Variants in DENND5A observed in about 807,000 individuals in gnomAD.
DENND5A encodes DENN domain containing 5A.
A neutral mutation model predicts 140.3 loss-of-function variants in DENND5A; 64 were observed. The observed-to-expected ratio is 0.46, with a 90% CI of 0.37 to 0.56. The LOEUF (loss-of-function observed/expected upper bound fraction) is 0.56, where lower values mean the gene tolerates loss of function less well. Ranked by LOEUF, DENND5A falls within the 20% of genes least tolerant of loss-of-function variation. The probability of loss-of-function intolerance (pLI) is 0.00; values close to 1 mark genes in which losing one functional copy is unlikely to be tolerated. For missense variants in DENND5A, 1,292 were observed against 1,593.8 expected (o/e 0.81, Z 3.22); for synonymous variants, 605 against 607.7 (o/e 1.00, Z 0.07).
At chr11:9,198,945 T>C (rs1849428824) in intron 4 of DENND5A, among the ~76,000 whole-genome samples, 1 of 144,086 alleles carries the variant, frequency 6.9e-6, no homozygotes, top group African/African-American at 2.5e-5. Flanking sequence ...GTGTCCTAGC[T>C]ACTCGGGAGG....
intron 4 of DENND5A, 39 bp downstream of exon 4, chr11:9,203,621 C>T: frequency 6.4e-7 from 1 of 1,570,338 alleles, no homozygotes; most frequent in Non-Finnish European, 8.6e-7. Flanking sequence ...AGCAAAGAAG[C>T]CTGAGGCAGG....
intron 11 of DENND5A, among the ~76,000 whole-genome samples, chr11:9,162,790 C>T (rs1035662898): frequency 4.6e-5 from 7 of 151,974 alleles, no homozygotes; most frequent in Admixed American, 6.6e-5. Context: ...GCCTCAGCTT[C>T]CCAGATTCAA....
intron 1 of DENND5A, among the ~76,000 whole-genome samples, chr11:9,260,168 G>A (rs552252695): frequency 9.2e-5 from 14 of 152,016 alleles, no homozygotes; most frequent in Admixed American, 2.0e-4. Flanking sequence ...AAGAGCTTCT[G>A]CACAGAGCCT....
intron 22 of DENND5A, chr11:9,140,123 C>A: frequency 1.4e-6 from 2 of 1,432,546 alleles, no homozygotes; most frequent in Non-Finnish European, 1.9e-6. Context: ...AGCCCCACCA[C>A]TGGTGTCTCC....
rs144989034 is a variant in DENND5A at position 9,160,794 on chromosome 11, T to C, written c.2355A>G (p.Thr785=). ...CAATCAGGGTGTTCTCTTCCACCCC[T>C]GTGATGTTCACCTCCCCATGCCCTA... ...VELGHGEVNI[T]GVEENTLIAS... is the part of the protein sequence containing the mutation. The change falls in exon 12 of 23, where the codon ACA becomes ACG. Residue 785 remains threonine (T), a synonymous_variant. Transcript: ENST00000328194. The C allele has an allele frequency of 6.2e-7, 1 of 1,614,090 alleles. No individual in the cohort carries two copies. The highest frequency in any genetic ancestry group is 2.2e-5 in the East Asian group (1 of 44,886).
Position 9,265,077 on chromosome 11 carries a change from G to A in DENND5A, c.-8C>T. On this transcript the variant is annotated 5_prime_UTR_variant, in exon 1 of 23. Transcript: ENST00000328194. The surrounding 1 kb of genome is among the most constrained non-coding windows in gnomAD (Gnocchi z 4.7). ...GCCGCCGCCGCCACTCATGGCGCCG[G>A]GGCCGAGACCGGCCGGGCAGTGCGG... 1 of 1,517,250 alleles carries A rather than the reference G, an allele frequency of 6.6e-7. No homozygotes were observed. 94.0% of individuals were successfully genotyped at this position (1,517,250 alleles called of 1,614,324 possible). A position where few individuals can be genotyped will look rare whatever the true frequency, so the allele number is the denominator to read the frequency against.
intron 5 of DENND5A, among the ~76,000 whole-genome samples, chr11:9,186,320 T>C (rs1330053410): frequency 6.6e-6 from 1 of 152,262 alleles, no homozygotes; most frequent in African/African-American, 2.4e-5. Flanking sequence ...AATTATGTCA[T>C]CAGGCTGCGC....
intron 1 of DENND5A, among the ~76,000 whole-genome samples, chr11:9,222,335 T>C (rs2136237093): frequency 6.6e-6 from 1 of 152,334 alleles, no homozygotes; most frequent in African/African-American, 2.4e-5. Flanking sequence ...ACTATTATTA[T>C]ACCTAGAAAA....
At chr11:9,171,542 A>G (rs1049276200) in intron 8 of DENND5A, 1 of 152,214 alleles carries the variant, frequency 6.6e-6, no homozygotes, top group Non-Finnish European at 1.5e-5. Context: ...GGACTCAAAT[A>G]GTAAAATTCA....
chr11:9,263,498 C>A (rs1483641719), intron 1 of DENND5A, among the ~76,000 whole-genome samples: 2 of 150,802 alleles, frequency 1.3e-5, no homozygotes, highest in Admixed American at 6.6e-5. Context: ...CTGGGATTAC[C>A]CCTGAGCCGC....
intron 1 of DENND5A, among the ~76,000 whole-genome samples, chr11:9,239,856 C>A (rs1333916544): frequency 6.6e-6 from 1 of 152,182 alleles, no homozygotes; most frequent in Non-Finnish European, 1.5e-5. Flanking sequence ...ATGGTTCCCT[C>A]ACTTTCTAGT....
At chr11:9,156,218 G>C (rs552080292) in intron 12 of DENND5A, among the ~76,000 whole-genome samples, 2 of 152,184 alleles carry the variant, frequency 1.3e-5, no homozygotes, top group African/African-American at 4.8e-5. Flanking sequence ...GTATCCCTAA[G>C]AGCATTAACG....
intron 1 of DENND5A, among the ~76,000 whole-genome samples, chr11:9,258,415 C>T (rs1250297702): frequency 4.6e-5 from 7 of 151,844 alleles, no homozygotes; most frequent in African/African-American, 7.3e-5. Flanking sequence ...CTGAGAATGA[C>T]GGTTTCCAGC....
At chr11:9,238,527 C>G (rs1255505125) in intron 1 of DENND5A, among the ~76,000 whole-genome samples, 4 of 151,358 alleles carry the variant, frequency 2.6e-5, no homozygotes, top group African/African-American at 7.4e-5. Context: ...CGCCATTCTC[C>G]TGCATCAGCT....
intron 15 of DENND5A, 45 bp from the exon 16 acceptor site, chr11:9,147,196 G>A (rs1375805401): frequency 1.9e-6 from 3 of 1,600,352 alleles, no homozygotes; most frequent in Non-Finnish European, 2.6e-6. Context: ...CAAAAGGAAG[G>A]GAAAGAAACT....
chr11:9,174,714 C>G (rs186676200), intron 8 of DENND5A, among the ~76,000 whole-genome samples: 5 of 150,384 alleles, frequency 3.3e-5, no homozygotes, highest in African/African-American at 9.8e-5. Flanking sequence ...AAAACAACAA[C>G]AAAAAAAATC....
At chr11:9,257,482 C>A (rs913279977) in intron 1 of DENND5A, among the ~76,000 whole-genome samples, 2 of 119,020 alleles carry the variant, frequency 1.7e-5, no homozygotes, top group Non-Finnish European at 3.5e-5. Context: ...ACACAGTATT[C>A]TTTTTTTTTT....
intron 8 of DENND5A, among the ~76,000 whole-genome samples, chr11:9,175,066 T>C (rs962455519): frequency 3.3e-5 from 5 of 152,280 alleles, no homozygotes; most frequent in Non-Finnish European, 5.9e-5. Context: ...GTAATATGAC[T>C]GTCTATGTAG....
intron 1 of DENND5A, among the ~76,000 whole-genome samples, chr11:9,234,909 T>C (rs1850937878): frequency 6.6e-6 from 1 of 152,156 alleles, no homozygotes; most frequent in Non-Finnish European, 1.5e-5. Flanking sequence ...CTCTGAAAGC[T>C]GTGAGACTCC....
Sources: gnomAD v4.1 joint callset for allele counts (sites outside exome capture counted in the v4.1 genomes callset) on GRCh38, gnomAD v4.1.1 for gene constraint, Gnocchi (gnomAD v3.1) non-coding constraint, MANE v1.5 for transcripts, NCBI Gene and HGNC (gene_info 2026-07-23, HGNC 2026-07-21) for gene names.